The following LNPEP variants were observed in gnomAD, a reference collection of about 807,000 sequenced individuals.
LNPEP encodes leucyl and cystinyl aminopeptidase, also known as leucyl-cystinyl aminopeptidase.
LNPEP carries 64 observed loss-of-function variants against 120.6 expected under a neutral mutation model. The observed-to-expected ratio is 0.53, with a 90% CI of 0.43 to 0.65. LNPEP has a LOEUF of 0.65. LNPEP is among the 30% of genes least tolerant of loss of function. LNPEP has a pLI of 0.00. For missense variants in LNPEP, 1,057 were observed against 1,200.0 expected (o/e 0.88, Z 1.76); for synonymous variants, 435 against 425.4 (o/e 1.02, Z -0.28).
At position 96,985,719 on chromosome 5, in the gene LNPEP, T is replaced by C. The variant is rs537039138; in HGVS notation, c.999+501T>C. Among the ~76,000 whole-genome samples the C allele has an allele frequency of 3.3e-5, 5 of 151,946 alleles. No individual in the cohort carries two copies. The South Asian group carries it at 8.3e-4, about 25-fold the overall frequency. Reference sequence around the variant, plus strand: ...TGAGGGTGAAACCAATAATTGTTTTTATGCCAAACAAAACCTGGAGCCTAG... The same window carrying C: ...TGAGGGTGAAACCAATAATTGTTTTCATGCCAAACAAAACCTGGAGCCTAG... On this transcript the variant is annotated intron_variant, in intron 3 of 17. Coordinates refer to ENST00000231368, the MANE Select transcript of LNPEP (RefSeq NM_005575.3).
At chr5:96,975,614 T>G (rs935447746) in intron 1 of LNPEP, among the ~76,000 whole-genome samples, 1 of 152,164 alleles carries the variant, frequency 6.6e-6, no homozygotes. Flanking sequence ...ATTGTTTCTG[T>G]TTTTTTAATT....
chr5:96,953,255 C>T (rs1328206473), intron 1 of LNPEP, among the ~76,000 whole-genome samples: 2 of 152,184 alleles, frequency 1.3e-5, no homozygotes, highest in African/African-American at 2.4e-5. Context: ...TCACACATAC[C>T]GGGTTTTATG....
At position 96,993,076 on chromosome 5, in the gene LNPEP, T is replaced by A. The variant is rs1342053416; in HGVS notation, c.1193T>A (p.Val398Glu). ...GQVHYALETT[V>E]KLLEFFQNYF... ...GTTCATTATGCCTTGGAAACAACTG[T>A]GAAGCTTCTTGAGTTTTTTCAAAAC... is the stretch of plus-strand genomic sequence containing the variant. Residue 398 changes from valine (V) to glutamate (E), a missense_variant, in exon 5 of 18, where the codon GTG becomes GAG. Coordinates refer to ENST00000231368, the MANE Select transcript of LNPEP (RefSeq NM_005575.3). 2 of 1,598,532 alleles carry A rather than the reference T, an allele frequency of 1.3e-6. No individual in the cohort carries two copies. Among genetic ancestry groups the A allele is most frequent in the Non-Finnish European group, 1.7e-6 (2 of 1,168,180 alleles).
intron 4 of LNPEP, among the ~76,000 whole-genome samples, chr5:96,991,172 C>T (rs1422238144): frequency 6.6e-6 from 1 of 152,182 alleles, no homozygotes; most frequent in African/African-American, 2.4e-5. Context: ...GTCTGGTTTT[C>T]CATTCCTGAG....
intron 9 of LNPEP, among the ~76,000 whole-genome samples, chr5:97,004,061 C>G (rs1019955713): frequency 6.6e-6 from 1 of 152,092 alleles, no homozygotes. Flanking sequence ...TTTTGTCATT[C>G]CTGGAAATAT....
In LNPEP at chr5:97,031,195, A is replaced by T. The variant is rs1360525715; in HGVS notation, c.*2662A>T. 6.6e-6 allele frequency: 1 copy of T among 151,106 alleles called. No individual in the cohort carries two copies. The highest frequency in any genetic ancestry group is 2.4e-5 in the African/African-American group (1 of 41,036). 9.4% of individuals were successfully genotyped at this position (151,106 alleles called of 1,614,324 possible). Reference sequence around the variant, plus strand: ...TACTAGATTATTAAAAAAGAATTGGAAATCTTGAGTTGTGGAAGAAATGTT... The same window carrying T: ...TACTAGATTATTAAAAAAGAATTGGTAATCTTGAGTTGTGGAAGAAATGTT... On this transcript the variant is annotated 3_prime_UTR_variant, in exon 18 of 18. Transcript: ENST00000231368.
At chr5:96,995,512 T>C (rs1231484001) in intron 6 of LNPEP, among the ~76,000 whole-genome samples, 1 of 152,136 alleles carries the variant, frequency 6.6e-6, no homozygotes, top group Non-Finnish European at 1.5e-5. Context: ...ACTTCATTTG[T>C]TTATATATGC....
intron 14 of LNPEP, among the ~76,000 whole-genome samples, chr5:97,023,183 GCTCATTTCATTT>G (rs1299186623): frequency 1.3e-5 from 2 of 151,818 alleles, no homozygotes; most frequent in Non-Finnish European, 2.9e-5. Context: ...TTTGTGACTG[GCTCATTTCATTT>G]ACCATAACGT....
At chr5:97,022,246 T>A in intron 13 of LNPEP, 54 bp from the exon 14 acceptor site, 1 of 1,148,186 alleles carries the variant, frequency 8.7e-7, no homozygotes, top group Non-Finnish European at 1.3e-6. Flanking sequence ...TCCTGTTTTT[T>A]TTCTGATTGT....
chr5:96,984,372 G>T (rs565587724), intron 2 of LNPEP, among the ~76,000 whole-genome samples: 1 of 152,236 alleles, frequency 6.6e-6, no homozygotes, highest in Non-Finnish European at 1.5e-5. Context: ...TTCCTCTTGA[G>T]CCTCAGTAAA....
At chr5:97,002,448 G>T (rs2112640766) in intron 8 of LNPEP, among the ~76,000 whole-genome samples, 1 of 152,272 alleles carries the variant, frequency 6.6e-6, no homozygotes, top group South Asian at 2.1e-4. Context: ...GACTGTTGGG[G>T]ACAACAGTGA....
rs1789279549 is a variant in LNPEP at position 96,949,716 on chromosome 5, C to T, written c.19+13542C>T. 2.0e-5 allele frequency among the ~76,000 whole-genome samples: 3 copies of T among 152,238 alleles called. No individual in the cohort carries two copies. In the South Asian group the frequency reaches 6.2e-4, roughly 32 times the overall value. On this transcript the variant is annotated intron_variant, in intron 1 of 17. Coordinates refer to ENST00000231368, the MANE Select transcript of LNPEP (RefSeq NM_005575.3). ...TTGTTCAGCCGAAAAACATTAATTA[C>T]ATATAGCAGACAAAAACACAGTTCT...
chr5:97,024,202 T>C (rs1430565881), intron 14 of LNPEP, among the ~76,000 whole-genome samples: 1 of 152,208 alleles, frequency 6.6e-6, no homozygotes. Flanking sequence ...ATATAGTTAT[T>C]GCTCTATACT....
At chr5:96,968,634 C>T (rs1482347200) in intron 1 of LNPEP, among the ~76,000 whole-genome samples, 1 of 151,352 alleles carries the variant, frequency 6.6e-6, no homozygotes, top group African/African-American at 2.4e-5. Context: ...GACATTTGTT[C>T]CAATAATAGT....
intron 1 of LNPEP, chr5:96,943,220 GT>G (rs1489919502): frequency 7.8e-5 from 16 of 205,340 alleles, no homozygotes; most frequent in South Asian, 1.2e-4. Context: ...ATTACCAGTT[GT>G]TTAAAAAAAA....
chr5:97,023,701 A>T (rs1363272796), intron 14 of LNPEP, among the ~76,000 whole-genome samples: 3 of 152,138 alleles, frequency 2.0e-5, no homozygotes, highest in Non-Finnish European at 1.5e-5. Flanking sequence ...TGGTGTGCAA[A>T]TATCTCCTAG....
intron 1 of LNPEP, among the ~76,000 whole-genome samples, chr5:96,955,975 A>G (rs1789458116): frequency 6.6e-6 from 1 of 152,214 alleles, no homozygotes; most frequent in Non-Finnish European, 1.5e-5. Context: ...AATCCAGTAG[A>G]TGTGGTTACT....
At position 97,024,522 on chromosome 5, in the gene LNPEP, C is replaced by A; in HGVS notation, c.2563C>A (p.Leu855Ile). The change falls in exon 15 of 18, where the codon CTA becomes ATA. Residue 855 changes from leucine (L) to isoleucine (I), a missense_variant and splice_region_variant. Leu to Ile is a conservative substitution (Grantham distance 5). Transcript: ENST00000231368. The stretch of plus-strand genomic sequence containing the variant: ...CATGTTTGACCACCTCTCTTACAGC[C>A]TACCTACTGATGTCATGACAACTGT... ...DWMASNGTQS[L>I]PTDVMTTVFK... The A allele has an allele frequency of 6.2e-7, 1 of 1,613,408 alleles. No individual in the cohort carries two copies. The highest frequency in any genetic ancestry group is 8.5e-7 in the Non-Finnish European group (1 of 1,179,606).
chr5:96,979,021 T>C (rs1158436360), intron 1 of LNPEP, 117 bp from the exon 2 acceptor site: 13 of 1,146,376 alleles, frequency 1.1e-5, no homozygotes, highest in Non-Finnish European at 1.5e-5. Flanking sequence ...GAAATAAGTC[T>C]TAGTGACTTA....
Sources: gnomAD v4.1 joint callset for allele counts (sites outside exome capture counted in the v4.1 genomes callset) on GRCh38, gnomAD v4.1.1 for gene constraint, MANE v1.5 for transcripts, NCBI Gene and HGNC (gene_info 2026-07-23, HGNC 2026-07-21) for gene names.